Variants in CCL28 observed in about 807,000 individuals in gnomAD.
CCL28 encodes the protein C-C motif chemokine 28.
A neutral mutation model predicts 7.1 loss-of-function variants in CCL28; 4 were observed. That is an observed-to-expected ratio of 0.56 (90% CI 0.28 to 1.29). The LOEUF is 1.29. Ranked by LOEUF, CCL28 falls within the 50% of genes most tolerant of loss-of-function variation. The pLI is 0.11. For synonymous variants in CCL28, 55 were observed against 57.8 expected (o/e 0.95, Z 0.22); for missense variants, 151 against 163.4 (o/e 0.92, Z 0.41).
chr5:43,404,504 G>A (rs896237940), intron 1 of CCL28, among the ~76,000 whole-genome samples: 3 of 152,164 alleles, frequency 2.0e-5, no homozygotes, highest in Admixed American at 2.0e-4. Flanking sequence ...AGCTCCTGAA[G>A]GGAGCACTAA....
At chr5:43,383,750 C>T (rs975983597) in intron 2 of CCL28, among the ~76,000 whole-genome samples, 4 of 152,134 alleles carry the variant, frequency 2.6e-5, no homozygotes, top group African/African-American at 9.7e-5. Flanking sequence ...AAACTCTTGC[C>T]TCTCCCTGTG....
chr5:43,388,418 C>T lies in CCL28; in HGVS notation c.123G>A (p.Arg41=). The T allele has an allele frequency of 6.2e-7, 1 of 1,613,910 alleles. No homozygotes were observed. The change falls in exon 2 of 3, where the codon AGG becomes AGA. Residue 41 remains arginine, a synonymous_variant. Coordinates refer to ENST00000361115, the MANE Select transcript of CCL28 (RefSeq NM_148672.3). ...GACACATATTCACTCTTTCCAGGAG[C>T]CTTCTGGAAATATGATGTGAAACCT... ...CTEVSHHISR[R]LLERVNMCRI...
At position 43,388,382 on chromosome 5, in the gene CCL28, T is replaced by G. The variant is rs1366650081; in HGVS notation, c.159A>C (p.Arg53Ser). 2 of 1,614,098 alleles carry G rather than the reference T, an allele frequency of 1.2e-6. No individual in the cohort carries two copies. Among genetic ancestry groups the G allele is most frequent in the Admixed American group, 3.3e-5 (2 of 60,006 alleles). The change falls in exon 2 of 3, where the codon AGA becomes AGC. Residue 53 changes from arginine (R) to serine (S), a missense_variant. Arg to Ser is a moderately radical substitution (Grantham distance 110). Transcript: ENST00000361115. Reference protein sequence around the residue: ...LERVNMCRIQRADGDCDLAAV... With the variant: ...LERVNMCRIQSADGDCDLAAV... ...CAGCCAAGTCACAATCCCCATCAGC[T>G]CTCTGGATGCGACACATATTCACTC...
chr5:43,399,914 C>T (rs1279776366), intron 1 of CCL28, among the ~76,000 whole-genome samples: 5 of 151,094 alleles, frequency 3.3e-5, no homozygotes, highest in Non-Finnish European at 5.9e-5. Flanking sequence ...GGTGTGATCA[C>T]GGCTCACCGC....
At chr5:43,372,539 T>C (rs1739803386), downstream of CCL28, among the ~76,000 whole-genome samples, 1 of 152,036 alleles carries the variant, frequency 6.6e-6, no homozygotes, top group Admixed American at 6.5e-5. Flanking sequence ...CAGCTAATTT[T>C]TGTATTTTTA....
chr5:43,409,331 CAGG>C (rs1359292848), intron 1 of CCL28, among the ~76,000 whole-genome samples: 2 of 152,206 alleles, frequency 1.3e-5, no homozygotes, highest in East Asian at 1.9e-4. Flanking sequence ...GAGGCTGAGG[CAGG>C]AGAATTGCTT....
At chr5:43,408,223 A>T (rs941678501) in intron 1 of CCL28, among the ~76,000 whole-genome samples, 1 of 152,262 alleles carries the variant, frequency 6.6e-6, no homozygotes, top group African/African-American at 2.4e-5. Context: ...ACAATAGCAA[A>T]GACTTGGAAC....
chr5:43,365,546 G>A, the CCL28 span, among the ~76,000 whole-genome samples: 13 of 152,106 alleles, frequency 8.5e-5, no homozygotes, highest in Middle Eastern at 6.8e-3. Flanking sequence ...CTTCCTTCAG[G>A]AGCTCTTGCA....
At chr5:43,375,158 T>G (rs1447361044), downstream of CCL28, among the ~76,000 whole-genome samples, 1 of 151,540 alleles carries the variant, frequency 6.6e-6, no homozygotes, top group African/African-American at 2.4e-5. Context: ...CTCAGCTAAT[T>G]TTTTGTATTT....
the CCL28 span, among the ~76,000 whole-genome samples, chr5:43,360,019 T>C: frequency 6.6e-6 from 1 of 152,146 alleles, no homozygotes; most frequent in Admixed American, 6.5e-5. Context: ...GGAGGCTGAT[T>C]TGAGTAATAA....
chr5:43,367,521 G>A, the CCL28 span, among the ~76,000 whole-genome samples: 2 of 152,340 alleles, frequency 1.3e-5, no homozygotes, highest in Non-Finnish European at 2.9e-5. Context: ...CTGGGTGAGG[G>A]GATGCCCCAC....
chr5:43,410,617 C>T (rs1296267921), intron 1 of CCL28, among the ~76,000 whole-genome samples: 1 of 152,198 alleles, frequency 6.6e-6, no homozygotes, highest in Non-Finnish European at 1.5e-5. Flanking sequence ...GAGCCTTCCT[C>T]ATTACCCTCT....
chr5:43,363,619 T>C, the CCL28 span, among the ~76,000 whole-genome samples: 1 of 152,226 alleles, frequency 6.6e-6, no homozygotes, highest in Non-Finnish European at 1.5e-5. Flanking sequence ...CAACTGAGAA[T>C]GCACTTGCCC....
At chr5:43,365,249 C>T in the CCL28 span, among the ~76,000 whole-genome samples, 1 of 152,270 alleles carries the variant, frequency 6.6e-6, no homozygotes, top group Non-Finnish European at 1.5e-5. Context: ...GTGATCCACC[C>T]ACCTCAGCTT....
chr5:43,403,289 C>T (rs1045305695), intron 1 of CCL28, among the ~76,000 whole-genome samples: 14 of 152,154 alleles, frequency 9.2e-5, no homozygotes, highest in Non-Finnish European at 7.4e-5. Context: ...CCTCATACAG[C>T]CGGGTGACCC....
At chr5:43,408,855 G>C (rs1741414736) in intron 1 of CCL28, among the ~76,000 whole-genome samples, 1 of 149,468 alleles carries the variant, frequency 6.7e-6, no homozygotes, top group African/African-American at 2.4e-5. Flanking sequence ...TAATTTTTGT[G>C]ACATTTTTGG....
the CCL28 span, among the ~76,000 whole-genome samples, chr5:43,366,596 G>C: frequency 6.6e-6 from 1 of 152,224 alleles, no homozygotes. Context: ...CTGCTGGGAG[G>C]TGTCTCTCAG....
At chr5:43,373,303 T>TTGTG (rs796104835), downstream of CCL28, among the ~76,000 whole-genome samples, 1 of 151,384 alleles carries the variant, frequency 6.6e-6, no homozygotes. Context: ...CGCTTGATTT[T>TTGTG]TGTGTGTGTG....
intron 1 of CCL28, among the ~76,000 whole-genome samples, chr5:43,402,577 G>T (rs1431920262): frequency 6.6e-6 from 1 of 152,198 alleles, no homozygotes; most frequent in African/African-American, 2.4e-5. Flanking sequence ...AACAGCTCCA[G>T]TCTACAGCTC....
Sources: allele counts gnomAD v4.1 joint callset (sites outside exome capture counted in the v4.1 genomes callset), GRCh38; gene constraint gnomAD v4.1.1; transcripts MANE v1.5; gene names NCBI Gene and HGNC (gene_info 2026-07-23, HGNC 2026-07-21).